Variants in KCNAB1 observed in about 807,000 individuals in gnomAD.
The protein encoded by KCNAB1 is voltage-gated potassium channel subunit beta-1.
A neutral mutation model predicts 64.6 loss-of-function variants in KCNAB1; 35 were observed. That is an observed-to-expected ratio of 0.54 (90% confidence interval 0.41 to 0.72). The LOEUF is 0.72. KCNAB1 is among the 30% of genes least tolerant of loss of function. KCNAB1 has a pLI of 0.00. For missense variants in KCNAB1, 401 were observed against 512.9 expected (o/e 0.78, Z 2.11); for synonymous variants, 177 against 183.8 (o/e 0.96, Z 0.30).
intron 1 of KCNAB1, among the ~76,000 whole-genome samples, chr3:156,278,560 A>C (rs1246416066): frequency 6.6e-6 from 1 of 152,128 alleles, no homozygotes; most frequent in Non-Finnish European, 1.5e-5. Flanking sequence ...CCTTCATTTA[A>C]TTTGTAGTAT....
chr3:156,255,856 C>T (rs1472061459), intron 1 of KCNAB1, among the ~76,000 whole-genome samples: 2 of 152,110 alleles, frequency 1.3e-5, no homozygotes, highest in African/African-American at 2.4e-5. Flanking sequence ...GTCATTTTGC[C>T]CTATATTGTG....
chr3:156,312,327 T>C (rs1197741176), intron 1 of KCNAB1, among the ~76,000 whole-genome samples: 1 of 152,216 alleles, frequency 6.6e-6, no homozygotes, highest in Non-Finnish European at 1.5e-5. Flanking sequence ...CCCAGAGGTT[T>C]TAAATAGCGT....
intron 1 of KCNAB1, among the ~76,000 whole-genome samples, chr3:156,237,471 G>A (rs972250568): frequency 6.6e-6 from 1 of 151,850 alleles, no homozygotes; most frequent in Non-Finnish European, 1.5e-5. Flanking sequence ...TTTGGGAAAT[G>A]ACTGTTGACA....
intron 11 of KCNAB1, among the ~76,000 whole-genome samples, chr3:156,519,134 G>A (rs1717767774): frequency 6.6e-6 from 1 of 152,220 alleles, no homozygotes; most frequent in Middle Eastern, 3.4e-3. Flanking sequence ...TACTGTAGTA[G>A]CCTCCCATCT....
At chr3:156,343,755 G>A (rs931186457) in intron 1 of KCNAB1, among the ~76,000 whole-genome samples, 7 of 152,150 alleles carry the variant, frequency 4.6e-5, no homozygotes, top group Non-Finnish European at 7.4e-5. Context: ...ACTACATAAA[G>A]AGCCTACTTC....
At chr3:156,147,573 T>C (rs1441723319) in intron 1 of KCNAB1, among the ~76,000 whole-genome samples, 1 of 152,112 alleles carries the variant, frequency 6.6e-6, no homozygotes, top group Non-Finnish European at 1.5e-5. Flanking sequence ...ACAGGGCTTC[T>C]CCAGGTTCAT....
In KCNAB1 at chr3:156,250,551, G is replaced by A. The variant is rs1471710158; in HGVS notation, c.275+129665G>A. Among the ~76,000 whole-genome samples, 3 of 152,170 alleles carry A rather than the reference G, an allele frequency of 2.0e-5. No individual in the cohort carries two copies. In the East Asian group the frequency reaches 5.8e-4, roughly 29 times the overall value. On this transcript the variant is annotated intron_variant, in intron 1 of 13. Coordinates refer to ENST00000490337, the MANE Select transcript of KCNAB1 (RefSeq NM_172160.3). The stretch of plus-strand genomic sequence containing the variant: ...GTGATGTCCCCAAATGTATGGTGTA[G>A]CATCTGGGTTACGGCTTCTTACCAT...
At chr3:156,252,680 G>T (rs570658293) in intron 1 of KCNAB1, among the ~76,000 whole-genome samples, 1 of 152,308 alleles carries the variant, frequency 6.6e-6, no homozygotes, top group African/African-American at 2.4e-5. Flanking sequence ...ACAGTGATAA[G>T]GTGACTGTGG....
At chr3:156,383,744 A>G (rs1332755945) in intron 1 of KCNAB1, among the ~76,000 whole-genome samples, 2 of 152,246 alleles carry the variant, frequency 1.3e-5, no homozygotes, top group African/African-American at 4.8e-5. Flanking sequence ...TACAGATTTC[A>G]ATATGCTAGC....
chr3:156,295,937 A>G (rs1019170311), intron 1 of KCNAB1, among the ~76,000 whole-genome samples: 1 of 152,244 alleles, frequency 6.6e-6, no homozygotes, highest in African/African-American at 2.4e-5. Flanking sequence ...CTACTCTGCT[A>G]TCAAACATTA....
chr3:156,480,488 A>G (rs1420454730), intron 8 of KCNAB1, among the ~76,000 whole-genome samples: 1 of 152,018 alleles, frequency 6.6e-6, no homozygotes, highest in African/African-American at 2.4e-5. Flanking sequence ...TGGCACATGT[A>G]TACCTATGTA....
At position 156,387,602 on chromosome 3, in the gene KCNAB1, T is replaced by C. The variant is rs186513483; in HGVS notation, c.276-34014T>C. Among the ~76,000 whole-genome samples, 191 of 152,338 alleles carry C rather than the reference T, an allele frequency of 1.3e-3. 2 individuals are homozygous for C. The highest frequency in any genetic ancestry group is 4.4e-3 in the African/African-American group (182 of 41,574). On this transcript the variant is annotated intron_variant, in intron 1 of 13. Transcript: ENST00000490337. ...TTTCAAGATTGATTCTCATTTTTAATACATTCAAAAATTAAAATGGAAAGG... is the reference window on the plus strand; with the variant it reads ...TTTCAAGATTGATTCTCATTTTTAACACATTCAAAAATTAAAATGGAAAGG...
intron 2 of KCNAB1, among the ~76,000 whole-genome samples, chr3:156,449,173 T>C (rs967829408): frequency 3.9e-5 from 6 of 152,306 alleles, no homozygotes; most frequent in Admixed American, 3.9e-4. Context: ...TCATATGCTA[T>C]TTTATATTAA....
intron 8 of KCNAB1, among the ~76,000 whole-genome samples, chr3:156,484,986 T>C (rs1715095233): frequency 6.6e-6 from 1 of 152,168 alleles, no homozygotes. Context: ...AAAAATATTC[T>C]AGCTATTTCC....
At chr3:156,371,345 A>G (rs1261028387) in intron 1 of KCNAB1, among the ~76,000 whole-genome samples, 1 of 152,166 alleles carries the variant, frequency 6.6e-6, no homozygotes, top group Non-Finnish European at 1.5e-5. Context: ...AAAAGAAGCT[A>G]CCACAGGGTT....
chr3:156,131,552 T>C (rs910244478), intron 1 of KCNAB1, among the ~76,000 whole-genome samples: 8 of 152,218 alleles, frequency 5.3e-5, no homozygotes, highest in African/African-American at 1.2e-4. Flanking sequence ...ATAAAGTGCA[T>C]TGTTTTTATT....
At chr3:156,435,985 C>G (rs184602378) in intron 2 of KCNAB1, among the ~76,000 whole-genome samples, 2 of 152,158 alleles carry the variant, frequency 1.3e-5, no homozygotes, top group East Asian at 1.9e-4. Flanking sequence ...ACATGCCTGT[C>G]CTGGTGGTTT....
In KCNAB1 at chr3:156,120,873, G is replaced by C; in HGVS notation, c.262G>C (p.Gly88Arg). 5 of 1,614,040 alleles carry C rather than the reference G, an allele frequency of 3.1e-6. No homozygotes were observed. Among genetic ancestry groups the C allele is most frequent in the Non-Finnish European group, 4.2e-6 (5 of 1,180,026 alleles). Residue 88 changes from glycine (G) to arginine (R), a missense_variant, in exon 1 of 14, where the codon GGC becomes CGC. Coordinates refer to ENST00000490337, the MANE Select transcript of KCNAB1 (RefSeq NM_172160.3). Reference protein sequence around the residue: ...SSEHTTVCTTGMPHRNLGKSG... With the variant: ...SSEHTTVCTTRMPHRNLGKSG... The stretch of plus-strand genomic sequence containing the variant: ...CGAGCACACCACCGTCTGCACCACA[G>C]GCATGCCGCACAGGTAAGCTGCCCC...
intron 1 of KCNAB1, chr3:156,382,333 T>A (rs1312094607): frequency 6.6e-6 from 1 of 151,882 alleles, no homozygotes; most frequent in African/African-American, 2.4e-5. Flanking sequence ...AAATACAAAA[T>A]TAGCTGGGCA....
Sources: gnomAD v4.1 joint callset for allele counts (sites outside exome capture counted in the v4.1 genomes callset) on GRCh38, gnomAD v4.1.1 for gene constraint, MANE v1.5 for transcripts, NCBI Gene and HGNC (gene_info 2026-07-23, HGNC 2026-07-21) for gene names.